LPIN2: variants seen among roughly 807,000 people sequenced by gnomAD.
The protein encoded by LPIN2 is phosphatidate phosphatase LPIN2.
A neutral mutation model predicts 111.4 loss-of-function variants in LPIN2; 55 were observed. That is an observed-to-expected ratio of 0.49 (90% confidence interval 0.40 to 0.62). The LOEUF is 0.62. Among genes scored for constraint, LPIN2 ranks in the 20% least tolerant of loss-of-function variants. The pLI is 0.00. For synonymous variants in LPIN2, 425 were observed against 414.0 expected, an observed-to-expected ratio of 1.03 and a Z score of -0.32; for missense variants, 992 against 1,112.1, an observed-to-expected ratio of 0.89 and a Z score of 1.54.
At chr18:2,963,636 A>G (rs1439213519) in intron 1 of LPIN2, among the ~76,000 whole-genome samples, 1 of 152,032 alleles carries the variant, frequency 6.6e-6, no homozygotes. Context: ...GAGAAAAAAG[A>G]GCAAAAGCAA....
At chr18:2,932,382 G>A (rs1355082036) in intron 8 of LPIN2, among the ~76,000 whole-genome samples, 1 of 152,152 alleles carries the variant, frequency 6.6e-6, no homozygotes, top group African/African-American at 2.4e-5. Flanking sequence ...GCAGTAGGTG[G>A]CAGCAGACTA....
chr18:2,928,787 G>A lies in LPIN2; in HGVS notation c.1551-127C>T, dbSNP rs1046298837. 3.8e-6 allele frequency: 3 copies of A among 783,634 alleles called. No homozygotes were observed. In the African/African-American group the frequency reaches 5.1e-5, roughly 13 times the overall value. The allele number at this position is 783,634 out of a possible 1,614,324, so 48.5% of individuals were successfully genotyped here. ...ATTGCTTATTCTTTTCAATAAAGAT[G>A]ATCAGCTGAATTTTTTGTCACATGA... On this transcript the variant is annotated intron_variant, in intron 10 of 19. Transcript: ENST00000677752.
chr18:3,007,909 A>G (rs575882684), intron 1 of LPIN2, among the ~76,000 whole-genome samples: 1 of 152,218 alleles, frequency 6.6e-6, no homozygotes, highest in Non-Finnish European at 1.5e-5. Context: ...TTTCCGAATA[A>G]GTTTAAAGCC....
chr18:2,997,672 G>A (rs902215357), intron 1 of LPIN2, among the ~76,000 whole-genome samples: 3 of 152,138 alleles, frequency 2.0e-5, no homozygotes, highest in Admixed American at 6.5e-5. Flanking sequence ...GGGAGAGCAG[G>A]CTCTTCCATA....
intron 1 of LPIN2, among the ~76,000 whole-genome samples, chr18:2,987,999 T>A (rs2078211069): frequency 9.0e-6 from 1 of 111,224 alleles, no homozygotes; most frequent in South Asian, 2.8e-4. Flanking sequence ...GGCGACAGAG[T>A]GAGAGACTGT....
chr18:3,010,024 C>T (rs1171366821), intron 1 of LPIN2, among the ~76,000 whole-genome samples: 1 of 152,162 alleles, frequency 6.6e-6, no homozygotes, highest in Non-Finnish European at 1.5e-5. Flanking sequence ...CACCAGCTTC[C>T]TGCTGAAAAT....
At chr18:2,954,211 A>C (rs1035961851) in intron 3 of LPIN2, among the ~76,000 whole-genome samples, 11 of 152,208 alleles carry the variant, frequency 7.2e-5, no homozygotes, top group African/African-American at 2.7e-4. Context: ...CAGAAGCAAC[A>C]CTAAGTAAGA....
At chr18:2,950,791 G>C (rs1471545640) in intron 4 of LPIN2, 2 of 510,562 alleles carry the variant, frequency 3.9e-6, no homozygotes, top group Non-Finnish European at 7.1e-6. Flanking sequence ...CAGATCTTTT[G>C]ACTTAGAACT....
chr18:2,989,125 A>C (rs1308357886), intron 1 of LPIN2, among the ~76,000 whole-genome samples: 1 of 152,190 alleles, frequency 6.6e-6, no homozygotes, highest in African/African-American at 2.4e-5. Flanking sequence ...GATTTGCTTT[A>C]TCCCTATATT....
chr18:2,938,137 C>T lies in LPIN2; in HGVS notation c.823-100G>A, dbSNP rs1037127977. On this transcript the variant is annotated intron_variant, in intron 6 of 19. Coordinates refer to ENST00000677752, the MANE Select transcript of LPIN2 (RefSeq NM_001375808.2). ...TGTGTTCATTCTATTTTTAACTTAACACATTCATTAAGTATCTTAGTTTGT... is the reference window on the plus strand; with the variant it reads ...TGTGTTCATTCTATTTTTAACTTAATACATTCATTAAGTATCTTAGTTTGT... 9.1e-6 allele frequency: 8 copies of T among 882,326 alleles called. No homozygotes were observed. In the African/African-American group the frequency reaches 1.2e-4, roughly 13 times the overall value. The allele number at this position is 882,326 out of a possible 1,614,324, so 54.7% of individuals were successfully genotyped here.
intron 1 of LPIN2, among the ~76,000 whole-genome samples, chr18:2,996,866 T>C (rs1778600268): frequency 6.6e-6 from 1 of 152,252 alleles, no homozygotes; most frequent in Admixed American, 6.5e-5. Flanking sequence ...CATTTGGTTC[T>C]ACAAAGGCCT....
chr18:2,934,379 C>G lies in LPIN2; in HGVS notation c.1240G>C (p.Glu414Gln). Residue 414 changes from glutamate (E) to glutamine (Q), a missense_variant, in exon 8 of 20, where the codon GAA (glutamate) becomes CAA (glutamine). Glu to Gln is a conservative substitution (Grantham distance 29). This residue lies in a region of LPIN2 where 709 missense variants were observed against 753.2 expected (regional missense o/e 0.94). Coordinates refer to ENST00000677752, the MANE Select transcript of LPIN2 (RefSeq NM_001375808.2). ...TTAGGGAAATAAAGAGCTGCAACTT[C>G]AGGTTCTAGACCCTTTAAGTCATCA... ...YLDDLKGLEP[E>Q]VAALYFPKSE... 6.2e-7 allele frequency: 1 copy of G among 1,613,554 alleles called. No individual in the cohort carries two copies. Among genetic ancestry groups the G allele is most frequent in the Non-Finnish European group, 8.5e-7 (1 of 1,179,614 alleles).
Position 2,931,145 on chromosome 18 carries a change from C to T in LPIN2, c.1456+111G>A, listed in dbSNP as rs1177827363. ...TTACAGAACATACCTGTTACCTGCA[C>T]AAGATCCCTAAAGAATGTAAATATC... On this transcript the variant is annotated intron_variant, in intron 9 of 19. Transcript: ENST00000677752. 13 of 1,277,036 alleles carry T rather than the reference C, an allele frequency of 1.0e-5. No homozygotes were observed. The East Asian group carries it at 1.2e-4, about 12-fold the overall frequency. The allele number at this position is 1,277,036 out of a possible 1,614,324, so 79.1% of individuals were successfully genotyped here.
rs1286650201 is a variant in LPIN2, at chr18:2,944,864, A to G, written c.591-4152T>C. Among the ~76,000 whole-genome samples, 3 of 152,172 alleles carry G rather than the reference A, an allele frequency of 2.0e-5. No individual in the cohort carries two copies. In the East Asian group the frequency reaches 5.8e-4, roughly 29 times the overall value. Reference sequence around the variant, plus strand: ...CTTATAAAATGGTGAATTTTAATCAAATTGATACCTCTGTATTCTTATTTA... The same window carrying G: ...CTTATAAAATGGTGAATTTTAATCAGATTGATACCTCTGTATTCTTATTTA... On this transcript the variant is annotated intron_variant, in intron 4 of 19. Transcript: ENST00000677752.
intron 1 of LPIN2, among the ~76,000 whole-genome samples, chr18:2,997,947 G>C (rs1055694575): frequency 2.0e-4 from 30 of 152,362 alleles, no homozygotes; most frequent in African/African-American, 6.7e-4. Context: ...CCTTGTCTCA[G>C]TTAAACAGAA....
At chr18:2,963,337 T>C (rs766521987) in intron 1 of LPIN2, among the ~76,000 whole-genome samples, 1 of 150,230 alleles carries the variant, frequency 6.7e-6, no homozygotes, top group African/African-American at 2.5e-5. Flanking sequence ...CAGAATCTAG[T>C]GCCATATACC....
chr18:2,928,765 G>C (rs1207230632), intron 10 of LPIN2, 105 bp from the exon 11 acceptor site: 2 of 872,836 alleles, frequency 2.3e-6, no homozygotes, highest in African/African-American at 1.7e-5. Flanking sequence ...ATATAAAATT[G>C]CTTATTCTTT....
intron 1 of LPIN2, among the ~76,000 whole-genome samples, chr18:2,978,047 C>CGGGAGTGGT (rs1467323635): frequency 6.6e-6 from 1 of 151,836 alleles, no homozygotes; most frequent in Admixed American, 6.6e-5. Context: ...AAAAAGAAGC[C>CGGGAGTGGT]GGGAGTGGTG....
intron 8 of LPIN2, 127 bp downstream of exon 8, chr18:2,934,224 G>A: frequency 1.4e-6 from 1 of 695,268 alleles, no homozygotes; most frequent in Non-Finnish European, 2.5e-6. Flanking sequence ...TCCAAAACCT[G>A]AAGCCATCAT....
Sources: allele counts gnomAD v4.1 joint callset (sites outside exome capture counted in the v4.1 genomes callset), GRCh38; gene constraint gnomAD v4.1.1; regional missense constraint gnomAD v4.1.1; transcripts MANE v1.5; gene names NCBI Gene and HGNC (gene_info 2026-07-23, HGNC 2026-07-21).